Variants in KATNBL1 observed in about 807,000 individuals in gnomAD.
The protein encoded by KATNBL1 is KATNB1-like protein 1.
A neutral mutation model predicts 44.7 loss-of-function variants in KATNBL1; 28 were observed. The ratio of observed to expected loss-of-function variants is 0.63; its 90% confidence interval spans 0.46 to 0.86. The LOEUF (loss-of-function observed/expected upper bound fraction) is 0.86, where lower values mean the gene tolerates loss of function less well. Ranked by LOEUF, KATNBL1 falls within the 40% of genes least tolerant of loss-of-function variation. The pLI is 0.00. For synonymous variants in KATNBL1, 78 were observed against 114.9 expected (o/e 0.68, Z 2.06); for missense variants, 272 against 350.7 (o/e 0.78, Z 1.79).
At chr15:34,181,870 C>CATATATATATATATATAT (rs374057022) in intron 1 of KATNBL1, among the ~76,000 whole-genome samples, 15 of 73,094 alleles carry the variant, frequency 2.1e-4, no homozygotes, top group African/African-American at 6.0e-4. Context: ...TATATATATC[C>CATATATATATATATATAT]ATATATATAT....
intron 1 of KATNBL1, among the ~76,000 whole-genome samples, chr15:34,194,144 A>G (rs1044752769): frequency 6.6e-6 from 1 of 151,902 alleles, no homozygotes; most frequent in Non-Finnish European, 1.5e-5. Flanking sequence ...GTTTCTCCAT[A>G]TTGGCCAGGC....
intron 1 of KATNBL1, among the ~76,000 whole-genome samples, chr15:34,200,142 A>G (rs9672496): frequency 0.15 from 23,437 of 152,098 alleles, 1,951 homozygotes; most frequent in African/African-American, 0.21. Flanking sequence ...GTCCCCACCC[A>G]ACCCAGAAAC....
intron 1 of KATNBL1, among the ~76,000 whole-genome samples, chr15:34,184,330 G>T (rs1889655304): frequency 1.4e-5 from 2 of 141,460 alleles, no homozygotes; most frequent in African/African-American, 5.6e-5. Context: ...AGCTGGGCGT[G>T]GTGGTGCGCA....
At position 34,147,272 on chromosome 15, in the gene KATNBL1, T is replaced by G. The variant is rs1218352264; in HGVS notation, c.626A>C (p.Gln209Pro). ...VLTNCLQEEKQYISLGCCVDL... is the reference protein window; with the variant it reads ...VLTNCLQEEKPYISLGCCVDL... ...AACACAGCAGCCAAGTGAGATATAT[T>G]GTTTTTCTTCCTGTAAACTAAAATA... Residue 209 changes from glutamine (Q) to proline (P), a missense_variant, in exon 7 of 10, where the codon CAA becomes CCA. Gln to Pro is a moderately conservative substitution (Grantham distance 76). Transcript: ENST00000256544. The G allele has an allele frequency of 1.2e-6, 2 of 1,612,922 alleles. No homozygotes were observed. Among genetic ancestry groups the G allele is most frequent in the Non-Finnish European group, 1.7e-6 (2 of 1,179,242 alleles).
At chr15:34,191,634 T>C (rs1889875215) in intron 1 of KATNBL1, among the ~76,000 whole-genome samples, 1 of 152,198 alleles carries the variant, frequency 6.6e-6, no homozygotes, top group African/African-American at 2.4e-5. Flanking sequence ...TTTTTTATTG[T>C]TGTTGTTGAG....
chr15:34,171,024 G>A (rs373262111), intron 1 of KATNBL1, among the ~76,000 whole-genome samples: 4 of 152,094 alleles, frequency 2.6e-5, no homozygotes, highest in East Asian at 1.9e-4. Flanking sequence ...CACAGACATC[G>A]GCAAGGACTT....
chr15:34,187,264 T>G (rs1207580574), intron 1 of KATNBL1, among the ~76,000 whole-genome samples: 1 of 152,112 alleles, frequency 6.6e-6, no homozygotes, highest in Non-Finnish European at 1.5e-5. Flanking sequence ...GAGGAGCCAC[T>G]CTCTCCAGGG....
intron 1 of KATNBL1, among the ~76,000 whole-genome samples, chr15:34,189,504 C>G (rs375902927): frequency 6.6e-6 from 1 of 152,192 alleles, no homozygotes; most frequent in African/African-American, 2.4e-5. Context: ...GAACTTAGAA[C>G]TTGCAATTTT....
intron 1 of KATNBL1, among the ~76,000 whole-genome samples, chr15:34,186,887 G>T (rs1468974094): frequency 6.6e-6 from 1 of 152,218 alleles, no homozygotes; most frequent in Non-Finnish European, 1.5e-5. Context: ...GAAGGGGGCT[G>T]GGCTGCCAGT....
chr15:34,175,226 A>G (rs1392113451), intron 1 of KATNBL1, among the ~76,000 whole-genome samples: 1 of 152,004 alleles, frequency 6.6e-6, no homozygotes, highest in African/African-American at 2.4e-5. Context: ...GCTTGGAAGC[A>G]GAAGTGTTTT....
chr15:34,188,971 C>T (rs546817768), intron 1 of KATNBL1, among the ~76,000 whole-genome samples: 5 of 152,342 alleles, frequency 3.3e-5, no homozygotes, highest in African/African-American at 4.8e-5. Flanking sequence ...GTAACAAAGA[C>T]GTCATTACTG....
At chr15:34,195,428 A>T (rs968186195) in intron 1 of KATNBL1, among the ~76,000 whole-genome samples, 12 of 152,114 alleles carry the variant, frequency 7.9e-5, no homozygotes, top group African/African-American at 2.7e-4. Context: ...GGAGACTCAG[A>T]GAGGTAGGGG....
intron 1 of KATNBL1, among the ~76,000 whole-genome samples, chr15:34,172,196 T>TA (rs943550581): frequency 6.7e-6 from 1 of 149,440 alleles, no homozygotes; most frequent in African/African-American, 2.5e-5. Flanking sequence ...CTCATTCCAG[T>TA]AAAAAAACGA....
chr15:34,183,730 T>A (rs1355504251), intron 1 of KATNBL1, among the ~76,000 whole-genome samples: 2 of 152,224 alleles, frequency 1.3e-5, no homozygotes, highest in African/African-American at 4.8e-5. Context: ...TTCAAAGTGA[T>A]TTCAAAGTGG....
At chr15:34,144,967 A>G (rs1193070485) in intron 9 of KATNBL1, 1 of 558,600 alleles carries the variant, frequency 1.8e-6, no homozygotes, top group Admixed American at 6.0e-5. Flanking sequence ...AGTCAAATTC[A>G]CTGTGATTTA....
At chr15:34,204,367 C>A (rs1216181552) in intron 1 of KATNBL1, among the ~76,000 whole-genome samples, 4 of 152,178 alleles carry the variant, frequency 2.6e-5, no homozygotes, top group African/African-American at 9.7e-5. Context: ...ACTAGATATA[C>A]ATATTTAATT....
chr15:34,197,833 T>G (rs1595364860), intron 1 of KATNBL1, among the ~76,000 whole-genome samples: 1 of 152,182 alleles, frequency 6.6e-6, no homozygotes. Context: ...CTGCAACCTC[T>G]GCCTCCCAGG....
chr15:34,192,776 A>G (rs557616451), intron 1 of KATNBL1, among the ~76,000 whole-genome samples: 4 of 152,344 alleles, frequency 2.6e-5, no homozygotes, highest in African/African-American at 9.6e-5. Flanking sequence ...TGGAAAAAAT[A>G]ATCTCTCTCC....
At chr15:34,197,752 A>AT (rs1349157701) in intron 1 of KATNBL1, among the ~76,000 whole-genome samples, 8 of 152,062 alleles carry the variant, frequency 5.3e-5, no homozygotes, top group African/African-American at 1.7e-4. Context: ...AATGAGGTTT[A>AT]TTTTATTTTT....
Sources: allele counts gnomAD v4.1 joint callset (sites outside exome capture counted in the v4.1 genomes callset), GRCh38; gene constraint gnomAD v4.1.1; transcripts MANE v1.5; gene names NCBI Gene and HGNC (gene_info 2026-07-23, HGNC 2026-07-21).